Variants in ZSWIM2 observed in about 807,000 individuals in gnomAD.
ZSWIM2 encodes the protein E3 ubiquitin-protein ligase ZSWIM2.
ZSWIM2 carries 38 observed loss-of-function variants against 48.4 expected under a neutral mutation model. The observed-to-expected ratio is 0.79, with a 90% CI of 0.61 to 1.03. The LOEUF (loss-of-function observed/expected upper bound fraction) is 1.03, where lower values mean the gene tolerates loss of function less well. Among genes scored for constraint, ZSWIM2 ranks in the 50% least tolerant of loss-of-function variants. ZSWIM2 has a pLI of 0.00. For synonymous variants in ZSWIM2, 240 were observed against 251.3 expected (o/e 0.96, Z 0.42); for missense variants, 776 against 730.2 (o/e 1.06, Z -0.72).
At chr2:186,837,623 T>C (rs1691819482) in intron 4 of ZSWIM2, 69 bp from the exon 5 acceptor site, 2 of 402,764 alleles carry the variant, frequency 5.0e-6, no homozygotes, top group African/African-American at 2.2e-5. Context: ...TATATATATA[T>C]ATATATTATA....
intron 2 of ZSWIM2, among the ~76,000 whole-genome samples, chr2:186,845,211 G>A (rs1049649528): frequency 4.0e-5 from 6 of 151,050 alleles, no homozygotes; most frequent in East Asian, 1.9e-4. Context: ...AATGGAATGC[G>A]ACTTTTTAAA....
At chr2:186,832,317 T>C (rs902832046) in intron 7 of ZSWIM2, among the ~76,000 whole-genome samples, 1 of 151,954 alleles carries the variant, frequency 6.6e-6, no homozygotes, top group African/African-American at 2.4e-5. Context: ...AGGCATGGTT[T>C]CACCATGTTG....
chr2:186,837,789 T>A (rs1313325346), intron 4 of ZSWIM2, among the ~76,000 whole-genome samples: 2 of 151,024 alleles, frequency 1.3e-5, no homozygotes, highest in African/African-American at 4.8e-5. Context: ...CAAACTTAAA[T>A]TTTCCTTCAT....
intron 3 of ZSWIM2, among the ~76,000 whole-genome samples, chr2:186,841,642 A>G (rs1691904332): frequency 6.6e-6 from 1 of 151,352 alleles, no homozygotes; most frequent in African/African-American, 2.4e-5. Flanking sequence ...AGAATGTTAA[A>G]TTGCTTATAA....
In ZSWIM2 at chr2:186,846,810, C is replaced by CACATATATATATATATATAT. The variant is rs1265650832; in HGVS notation, c.242+908_242+909insATATATATATATATATATGT. Among the ~76,000 whole-genome samples, 8 of 143,766 alleles carry CACATATATATATATATATAT rather than the reference C, an allele frequency of 5.6e-5. No individual in the cohort carries two copies. The South Asian group carries it at 8.6e-4, about 15-fold the overall frequency. 94.3% of individuals were successfully genotyped at this position (143,766 alleles called of 152,430 possible). On this transcript the variant is annotated intron_variant, in intron 2 of 8. Transcript: ENST00000295131. ...ACATATATATATACACACACACACA[C>CACATATATATATATATATAT]ATATATATATATATATAATGTAATA...
rs758545231 is a variant in ZSWIM2 at position 186,838,958 on chromosome 2, C to T, written c.494+1G>A. ...AAGAATCTAAAGAAAAAGTACATCA[C>T]CTGCAAAAGGTGACAGGAAGCTTTT... On this transcript the variant is annotated splice_donor_variant, in intron 4 of 8. Transcript: ENST00000295131. LOFTEE classifies it high-confidence loss of function. 2.1e-5 allele frequency: 33 copies of T among 1,603,604 alleles called. 1 individual carries two copies. Among genetic ancestry groups the T allele is most frequent in the Admixed American group, 1.9e-4 (11 of 58,992 alleles).
In ZSWIM2 at chr2:186,849,057, T is replaced by C; in HGVS notation, c.74A>G (p.Gln25Arg). ...GAGGTAGATGCTGCTACTCAGCGCC[T>C]GGTCTTGGTGCCAGCTGAGCCTCTC... Reference protein sequence around the residue: ...LSERLSWHQDQALSSSIYLLR... With the variant: ...LSERLSWHQDRALSSSIYLLR... Residue 25 changes from glutamine to arginine, a missense_variant, in exon 1 of 9, where the codon CAG becomes CGG. By Grantham distance (43) the Gln-to-Arg change is conservative (BLOSUM62 1). Transcript: ENST00000295131. 6.2e-7 allele frequency: 1 copy of C among 1,614,190 alleles called. No individual in the cohort carries two copies.
At chr2:186,838,773 ATATT>A (rs1200903436) in intron 4 of ZSWIM2, among the ~76,000 whole-genome samples, 182 bp downstream of exon 4, 1 of 145,636 alleles carries the variant, frequency 6.9e-6, no homozygotes, top group African/African-American at 2.5e-5. Flanking sequence ...ATATTATAAT[ATATT>A]TATATTATAT....
chr2:186,837,179 C>T (rs571210156), intron 5 of ZSWIM2, 127 bp downstream of exon 5: 48 of 950,716 alleles, frequency 5.0e-5, no homozygotes, highest in Middle Eastern at 6.6e-4. Context: ...AATAAGCAGT[C>T]GTCACACAAG....
chr2:186,831,348 T>C (rs1292787313), intron 7 of ZSWIM2, among the ~76,000 whole-genome samples: 1 of 151,760 alleles, frequency 6.6e-6, no homozygotes, highest in Non-Finnish European at 1.5e-5. Flanking sequence ...TACATGTGTA[T>C]GTATACGTGT....
chr2:186,845,966 C>T (rs1192024171), intron 2 of ZSWIM2, among the ~76,000 whole-genome samples: 1 of 151,702 alleles, frequency 6.6e-6, no homozygotes, highest in Non-Finnish European at 1.5e-5. Context: ...ATAACTTTCA[C>T]CATATACAAA....
intron 3 of ZSWIM2, among the ~76,000 whole-genome samples, chr2:186,841,082 T>A (rs1691894877): frequency 6.6e-6 from 1 of 151,504 alleles, no homozygotes; most frequent in Non-Finnish European, 1.5e-5. Context: ...AACGTTACTA[T>A]TTGTTTGCCT....
Position 186,828,055 on chromosome 2 carries a change from G to T in ZSWIM2, c.1831C>A (p.Gln611Lys). 6.2e-7 allele frequency: 1 copy of T among 1,613,212 alleles called. No individual in the cohort carries two copies. Among genetic ancestry groups the T allele is most frequent in the Non-Finnish European group, 8.5e-7 (1 of 1,179,616 alleles). Residue 611 changes from glutamine to lysine, a missense_variant, in exon 9 of 9, where the codon CAG (glutamine) becomes AAG (lysine). Coordinates refer to ENST00000295131, the MANE Select transcript of ZSWIM2 (RefSeq NM_182521.3). ...ITRKCSHLSR[Q>K]PVSHSVNTKS... ...GTATTTACAGAGTGAGACACAGGCTGTCTTGATAGATGACTACATTTTCGT... is the reference window on the plus strand; with the variant it reads ...GTATTTACAGAGTGAGACACAGGCTTTCTTGATAGATGACTACATTTTCGT...
intron 7 of ZSWIM2, among the ~76,000 whole-genome samples, chr2:186,831,029 G>A (rs1167908587): frequency 6.6e-6 from 1 of 152,004 alleles, no homozygotes; most frequent in African/African-American, 2.4e-5. Context: ...CTCTTTTAAG[G>A]TTGTTACCTA....
intron 4 of ZSWIM2, 27 bp downstream of exon 4, chr2:186,838,927 AGTTTT>A (rs1691851858): frequency 6.4e-6 from 10 of 1,567,536 alleles, no homozygotes; most frequent in Non-Finnish European, 8.7e-6. Flanking sequence ...ATTTTTAATT[AGTTTT>A]AAGAATCTAA....
At chr2:186,831,766 A>G (rs1691703924) in intron 7 of ZSWIM2, among the ~76,000 whole-genome samples, 1 of 152,104 alleles carries the variant, frequency 6.6e-6, no homozygotes, top group Non-Finnish European at 1.5e-5. Context: ...TCAGCAAACT[A>G]TCGCAAGGAC....
intron 3 of ZSWIM2, among the ~76,000 whole-genome samples, chr2:186,840,010 T>C (rs1031524780): frequency 6.4e-5 from 9 of 140,520 alleles, no homozygotes; most frequent in African/African-American, 2.4e-4. Context: ...AAAAATTATT[T>C]CCAAGATAAT....
At chr2:186,833,918 T>C in intron 6 of ZSWIM2, 28 bp downstream of exon 6, 1 of 1,553,306 alleles carries the variant, frequency 6.4e-7, no homozygotes, top group South Asian at 1.1e-5. Flanking sequence ...ATAGAAACAC[T>C]GTATTAGATT....
chr2:186,830,222 A>G (rs1258489741), intron 7 of ZSWIM2, among the ~76,000 whole-genome samples: 1 of 151,992 alleles, frequency 6.6e-6, no homozygotes, highest in Non-Finnish European at 1.5e-5. Flanking sequence ...TCTAATAAAA[A>G]TATAGAAAAA....
Sources: gnomAD v4.1 joint callset for allele counts (sites outside exome capture counted in the v4.1 genomes callset) on GRCh38, gnomAD v4.1.1 for gene constraint, MANE v1.5 for transcripts, NCBI Gene and HGNC (gene_info 2026-07-23, HGNC 2026-07-21) for gene names.